The following PRSS23 variants were observed in gnomAD, a reference collection of about 807,000 sequenced individuals.
The protein encoded by PRSS23 is protease, serine 23.
A neutral mutation model predicts 34.7 loss-of-function variants in PRSS23; 25 were observed. The observed-to-expected ratio is 0.72, with a 90% CI of 0.53 to 1.01. The LOEUF (loss-of-function observed/expected upper bound fraction) is 1.01, where lower values mean the gene tolerates loss of function less well. Ranked by LOEUF, PRSS23 falls within the 50% of genes least tolerant of loss-of-function variation. The pLI, the probability that PRSS23 is intolerant of heterozygous loss-of-function variation, is 0.00. For synonymous variants in PRSS23, 176 were observed against 186.6 expected, an observed-to-expected ratio of 0.94 and a Z score of 0.46; for missense variants, 445 against 475.6, an observed-to-expected ratio of 0.94 and a Z score of 0.60.
At chr11:86,901,827 A>G (rs10792879) in intron 2 of PRSS23, among the ~76,000 whole-genome samples, 98,671 of 152,004 alleles carry the variant, frequency 0.65, 32,572 homozygotes, top group African/African-American at 0.74. Context: ...ATAACTAAAG[A>G]CAATTTCCAG....
chr11:86,826,893 G>A (rs1287570168), intron 2 of PRSS23, among the ~76,000 whole-genome samples: 2 of 152,168 alleles, frequency 1.3e-5, no homozygotes, highest in Non-Finnish European at 2.9e-5. Context: ...GATTTGGTTT[G>A]CCAGTATTTT....
At chr11:86,813,355 C>A (rs1948193486), downstream of PRSS23, among the ~76,000 whole-genome samples, 1 of 152,182 alleles carries the variant, frequency 6.6e-6, no homozygotes, top group African/African-American at 2.4e-5. Context: ...AACTGAAGTG[C>A]AAGGGCCCCT....
At chr11:86,910,681 C>T (rs191308632) in intron 2 of PRSS23, 60 of 152,242 alleles carry the variant, frequency 3.9e-4, no homozygotes, top group African/African-American at 1.4e-3. Context: ...TTCTCTCTCT[C>T]AGACACACAC....
intron 2 of PRSS23, among the ~76,000 whole-genome samples, chr11:86,838,535 G>T (rs1334681461): frequency 6.6e-6 from 1 of 152,202 alleles, no homozygotes; most frequent in Non-Finnish European, 1.5e-5. Context: ...TTTCACTTCT[G>T]GGGGCAGGGC....
intron 1 of PRSS23, among the ~76,000 whole-genome samples, chr11:86,801,491 G>A (rs929026982): frequency 6.6e-6 from 1 of 152,124 alleles, no homozygotes; most frequent in Admixed American, 6.5e-5. Flanking sequence ...CTCAGTGTAG[G>A]TATTGGAATA....
At chr11:86,828,864 G>A (rs868868270) in intron 2 of PRSS23, among the ~76,000 whole-genome samples, 18 of 152,316 alleles carry the variant, frequency 1.2e-4, no homozygotes, top group African/African-American at 3.1e-4. Context: ...CGAGAGATCC[G>A]CTGTTAGTCT....
rs552913526 is a variant in PRSS23, at chr11:86,933,565, A to C, written c.207-17651A>C. The C allele has an allele frequency of 6.6e-5, 10 of 152,368 alleles. No individual in the cohort carries two copies. In the South Asian group the frequency reaches 8.3e-4, roughly 13 times the overall value. 9.4% of individuals were successfully genotyped at this position (152,368 alleles called of 1,614,324 possible). A position where few individuals can be genotyped will look rare whatever the true frequency, so the allele number is the denominator to read the frequency against. ...TAGGACTGAGGATACAGCAATGATC[A>C]ACATAGGCAGAGGCTCTAACAGATG... On this transcript the variant is annotated intron_variant, in intron 2 of 2. Coordinates refer to the PRSS23 transcript ENST00000533902.
intron 2 of PRSS23, among the ~76,000 whole-genome samples, chr11:86,866,849 T>C (rs1182852200): frequency 6.7e-6 from 1 of 149,252 alleles, no homozygotes; most frequent in Non-Finnish European, 1.5e-5. Flanking sequence ...CACCACGTGA[T>C]CTCCACATAC....
downstream of PRSS23, among the ~76,000 whole-genome samples, chr11:86,814,829 G>A (rs989791647): frequency 2.6e-5 from 4 of 152,186 alleles, no homozygotes; most frequent in Non-Finnish European, 5.9e-5. Flanking sequence ...GCTCAGGGAG[G>A]CCCTCTGCCA....
At chr11:86,800,684 G>A (rs1948024672) in intron 1 of PRSS23, 33 bp downstream of exon 1, 1 of 976,704 alleles carries the variant, frequency 1.0e-6, no homozygotes. Flanking sequence ...GCATCCGCCC[G>A]GGCGCGGGAG....
At chr11:86,831,870 A>T (rs1159191911) in intron 2 of PRSS23, among the ~76,000 whole-genome samples, 1 of 151,906 alleles carries the variant, frequency 6.6e-6, no homozygotes, top group Admixed American at 6.6e-5. Context: ...TCCTAATGTC[A>T]CAGGTGATGT....
intron 2 of PRSS23, chr11:86,910,940 C>T (rs1490326007): frequency 2.0e-5 from 3 of 152,052 alleles, no homozygotes; most frequent in Admixed American, 6.6e-5. Flanking sequence ...ATAATTAATT[C>T]ACAGTGAATT....
At chr11:86,826,807 G>T (rs894225370) in intron 2 of PRSS23, among the ~76,000 whole-genome samples, 4 of 152,128 alleles carry the variant, frequency 2.6e-5, no homozygotes, top group African/African-American at 9.7e-5. Flanking sequence ...ATTGATTTGC[G>T]TATACTGAAC....
intron 2 of PRSS23, among the ~76,000 whole-genome samples, chr11:86,827,416 C>A (rs1948311196): frequency 6.6e-6 from 1 of 152,090 alleles, no homozygotes; most frequent in Non-Finnish European, 1.5e-5. Context: ...AGCAGTCTAT[C>A]AATTTTGTTG....
Position 86,821,607 on chromosome 11 carries a change from A to C in PRSS23, c.-11-1770A>C, listed in dbSNP as rs957093528. On this transcript the variant is annotated intron_variant, in intron 1 of 2. Transcript: ENST00000533902. ...TTTAGCTCAAGACAGAATTCCCTTA[A>C]ATGTTCATACTTCCATAACTTTCAT... is the stretch of plus-strand genomic sequence containing the variant. 4 of 1,603,758 alleles carry C rather than the reference A, an allele frequency of 2.5e-6. No individual in the cohort carries two copies. In the African/African-American group the frequency reaches 5.4e-5, roughly 21 times the overall value.
chr11:86,854,825 G>A (rs899874089), intron 2 of PRSS23, among the ~76,000 whole-genome samples: 5 of 152,134 alleles, frequency 3.3e-5, no homozygotes, highest in African/African-American at 4.8e-5. Context: ...GGACATATGT[G>A]TGGGAAGTTA....
chr11:86,865,117 C>G (rs1948641331), intron 2 of PRSS23, among the ~76,000 whole-genome samples: 1 of 152,178 alleles, frequency 6.6e-6, no homozygotes, highest in Non-Finnish European at 1.5e-5. Context: ...ATTCTGACTA[C>G]CACACAAGGG....
downstream of PRSS23, among the ~76,000 whole-genome samples, chr11:86,814,118 C>G (rs1948198666): frequency 6.6e-6 from 1 of 152,154 alleles, no homozygotes; most frequent in Non-Finnish European, 1.5e-5. Context: ...CCGAGAATTC[C>G]TGTGTCAGTC....
intron 2 of PRSS23, among the ~76,000 whole-genome samples, chr11:86,907,828 G>T (rs1028691136): frequency 6.6e-5 from 10 of 152,146 alleles, no homozygotes; most frequent in Admixed American, 3.9e-4. Context: ...CAGTTCTCTA[G>T]AACTTATCCA....
Sources: allele counts gnomAD v4.1 joint callset (sites outside exome capture counted in the v4.1 genomes callset), GRCh38; gene constraint gnomAD v4.1.1; transcripts MANE v1.5; gene names NCBI Gene and HGNC (gene_info 2026-07-23, HGNC 2026-07-21).